The following CCDC172 variants were observed in gnomAD, a reference collection of about 807,000 sequenced individuals.
CCDC172 encodes the protein coiled-coil domain containing 172.
CCDC172 carries 30 observed loss-of-function variants against 38.0 expected under a neutral mutation model. The observed-to-expected ratio is 0.79, with a 90% confidence interval of 0.59 to 1.07. The LOEUF is 1.07. CCDC172 is among the 50% of genes least tolerant of loss of function. The pLI is 0.00. For synonymous variants in CCDC172, 78 were observed against 88.3 expected, an observed-to-expected ratio of 0.88 and a Z score of 0.66; for missense variants, 297 against 290.1, an observed-to-expected ratio of 1.02 and a Z score of -0.17.
At chr10:116,331,261 C>T (rs1176613474) in intron 3 of CCDC172, among the ~76,000 whole-genome samples, 1 of 151,936 alleles carries the variant, frequency 6.6e-6, no homozygotes, top group Non-Finnish European at 1.5e-5. Flanking sequence ...AACAATCAAA[C>T]AAAAAGAAAT....
intron 5 of CCDC172, among the ~76,000 whole-genome samples, chr10:116,348,619 G>C (rs890638029): frequency 6.6e-6 from 1 of 151,998 alleles, no homozygotes; most frequent in Non-Finnish European, 1.5e-5. Context: ...TTTTAAAAAA[G>C]ATATTATTAA....
intron 7 of CCDC172, among the ~76,000 whole-genome samples, chr10:116,369,878 C>A (rs779732867): frequency 1.9e-4 from 29 of 151,716 alleles, no homozygotes; most frequent in Non-Finnish European, 3.5e-4. Flanking sequence ...AGTTTGTTGT[C>A]AAGTTTTTGA....
rs1465145156 is a variant in CCDC172, at chr10:116,324,474, T to A, written c.-205T>A. The A allele has an allele frequency of 6.5e-6, 1 of 153,464 alleles. No individual in the cohort carries two copies. Among genetic ancestry groups the A allele is most frequent in the Admixed American group, 6.5e-5 (1 of 15,412 alleles). The allele number at this position is 153,464 out of a possible 1,614,324, so 9.5% of individuals were successfully genotyped here. A position where few individuals can be genotyped will look rare whatever the true frequency, so the allele number is the denominator to read the frequency against. ...CTGGCTCCAGCCTTAGGGAAGGTTTTGGCCGTGGGTTTTGTTGGCACGTAC... is the reference window on the plus strand; with the variant it reads ...CTGGCTCCAGCCTTAGGGAAGGTTTAGGCCGTGGGTTTTGTTGGCACGTAC... On this transcript the variant is annotated 5_prime_UTR_variant, in exon 1 of 9. Coordinates refer to ENST00000333254, the MANE Select transcript of CCDC172 (RefSeq NM_198515.3).
chr10:116,375,930 T>A (rs1207722908), intron 7 of CCDC172, among the ~76,000 whole-genome samples: 1 of 151,904 alleles, frequency 6.6e-6, no homozygotes, highest in Non-Finnish European at 1.5e-5. Context: ...TTAGTGGGAG[T>A]GTAAATTAGT....
rs187352910 is a variant in CCDC172 at position 116,346,148 on chromosome 10, C to T, written c.448+3947C>T. ...TCTCTACTAAAACCAAAAAATTAGC[C>T]GGGCGTGGTGTCGGGCACCTGTAAT... On this transcript the variant is annotated intron_variant, in intron 5 of 8. Coordinates refer to ENST00000333254, the MANE Select transcript of CCDC172 (RefSeq NM_198515.3). Among the ~76,000 whole-genome samples, 457 of 151,882 alleles carry T rather than the reference C, an allele frequency of 3.0e-3. 2 individuals carry two copies. The highest frequency in any genetic ancestry group is 0.01 in the African/African-American group (427 of 41,454).
chr10:116,352,849 A>G (rs188087749), intron 5 of CCDC172, among the ~76,000 whole-genome samples: 1 of 152,276 alleles, frequency 6.6e-6, no homozygotes, highest in African/African-American at 2.4e-5. Context: ...TTCAAAGATA[A>G]CATGATCTCG....
Position 116,324,961 on chromosome 10 carries a change from G to A in CCDC172, c.-51G>A. On this transcript the variant is annotated 5_prime_UTR_variant, in exon 2 of 9. The change creates a premature stop within an existing upstream ORF in the 5' untranslated region. Coordinates refer to ENST00000333254, the MANE Select transcript of CCDC172 (RefSeq NM_198515.3). ...CTGCTTTCCAGGATCCTCAGAGTTG[G>A]TTATAAAATATTTAAGGGCGAGAAA... is the stretch of plus-strand genomic sequence containing the variant. 6.9e-7 allele frequency: 1 copy of A among 1,450,652 alleles called. No individual in the cohort carries two copies. Among genetic ancestry groups the A allele is most frequent in the African/African-American group, 1.4e-5 (1 of 71,946 alleles). The allele number at this position is 1,450,652 out of a possible 1,614,324, so 89.9% of individuals were successfully genotyped here.
intron 3 of CCDC172, among the ~76,000 whole-genome samples, chr10:116,328,960 A>G (rs1001800767): frequency 6.6e-6 from 1 of 152,126 alleles, no homozygotes; most frequent in African/African-American, 2.4e-5. Flanking sequence ...CCAATATTTA[A>G]TTTTATAGTT....
At chr10:116,324,882 G>A (rs558309370) in intron 1 of CCDC172, 65 bp from the exon 2 acceptor site, 11 of 736,484 alleles carry the variant, frequency 1.5e-5, no homozygotes, top group Non-Finnish European at 2.5e-5. Context: ...GGCGACAGAG[G>A]GTTGGAGACA....
intron 3 of CCDC172, among the ~76,000 whole-genome samples, chr10:116,329,055 C>T (rs118035398): frequency 0.016 from 2,387 of 152,266 alleles, 39 homozygotes; most frequent in Non-Finnish European, 0.024. Context: ...ATAACACCTT[C>T]CTTCCTGAAT....
intron 5 of CCDC172, among the ~76,000 whole-genome samples, chr10:116,342,884 G>A (rs1340902919): frequency 2.0e-5 from 3 of 152,036 alleles, no homozygotes; most frequent in African/African-American, 4.8e-5. Context: ...CTTCCACCAC[G>A]ATTTTAAGTT....
chr10:116,348,514 C>T (rs947375304), intron 5 of CCDC172, among the ~76,000 whole-genome samples: 10 of 152,068 alleles, frequency 6.6e-5, no homozygotes, highest in African/African-American at 2.4e-4. Flanking sequence ...GTGTTTTTTT[C>T]CCACTGCCAG....
At chr10:116,369,208 G>GTT (rs1404905388) in intron 7 of CCDC172, among the ~76,000 whole-genome samples, 4 of 151,588 alleles carry the variant, frequency 2.6e-5, no homozygotes, top group Admixed American at 2.6e-4. Flanking sequence ...TCTAACTTTA[G>GTT]GGCTCATTTT....
chr10:116,332,027 A>G (rs760158066), intron 3 of CCDC172, among the ~76,000 whole-genome samples: 1 of 152,140 alleles, frequency 6.6e-6, no homozygotes. Context: ...ACTGGCATAG[A>G]TATTTCTCAA....
Position 116,342,071 on chromosome 10 carries a change from C to A in CCDC172, c.318C>A (p.Asp106Glu), listed in dbSNP as rs370853531. The A allele has an allele frequency of 4.8e-5, 73 of 1,531,190 alleles. No individual in the cohort carries two copies. In the African/African-American group the frequency reaches 9.5e-4, roughly 20 times the overall value. 94.9% of individuals were successfully genotyped at this position (1,531,190 alleles called of 1,614,324 possible). Residue 106 changes from aspartate to glutamate, a missense_variant, in exon 5 of 9, where the codon GAC becomes GAA. Coordinates refer to ENST00000333254, the MANE Select transcript of CCDC172 (RefSeq NM_198515.3). Reference protein sequence around the residue: ...AIKKQMIEEEDKFIKEITDFN... With the variant: ...AIKKQMIEEEEKFIKEITDFN... ...AGAAACAAATGATAGAGGAGGAAGA[C>A]AAATTTATTAAGGAAATTACAGACT... is the stretch of plus-strand genomic sequence containing the variant.
At chr10:116,330,162 C>T (rs766914730) in intron 3 of CCDC172, among the ~76,000 whole-genome samples, 4 of 152,132 alleles carry the variant, frequency 2.6e-5, no homozygotes, top group Admixed American at 6.6e-5. Flanking sequence ...AGGCAAACAT[C>T]TGACATTCTT....
At chr10:116,362,497 G>C (rs553792614) in intron 7 of CCDC172, among the ~76,000 whole-genome samples, 25 of 152,252 alleles carry the variant, frequency 1.6e-4, no homozygotes, top group Non-Finnish European at 3.2e-4. Context: ...ACTTGCAAGA[G>C]TCTTTCTGTA....
chr10:116,342,761 A>G (rs1028669990), intron 5 of CCDC172, among the ~76,000 whole-genome samples: 1 of 152,114 alleles, frequency 6.6e-6, no homozygotes, highest in Non-Finnish European at 1.5e-5. Context: ...TGCTATTCTC[A>G]TGACATTGAG....
rs1009868318 is a variant in CCDC172 at position 116,325,070 on chromosome 10, G to C, written c.59G>C (p.Ser20Thr). 9.9e-6 allele frequency: 16 copies of C among 1,614,024 alleles called. No homozygotes were observed. In the Middle Eastern group the frequency reaches 1.2e-3, roughly 116 times the overall value. Residue 20 changes from serine (S) to threonine (T), a missense_variant, in exon 2 of 9, where the codon AGT (serine) becomes ACT (threonine). Transcript: ENST00000333254. ...IIFTEHQAEE[S>T]RRLMREVRSE... is the part of the protein sequence containing the mutation. ...TTCACCGAGCATCAGGCGGAGGAGA[G>C]TCGCCGTTTGATGCGAGAAGGTCGG... is the stretch of plus-strand genomic sequence containing the variant.
Sources: allele counts gnomAD v4.1 joint callset (sites outside exome capture counted in the v4.1 genomes callset), GRCh38; gene constraint gnomAD v4.1.1; transcripts MANE v1.5; gene names NCBI Gene and HGNC (gene_info 2026-07-23, HGNC 2026-07-21).